The following FAM149B1 variants were observed in gnomAD, a reference collection of about 807,000 sequenced individuals.
The protein encoded by FAM149B1 is family with sequence similarity 149 member B1.
In FAM149B1, 56 loss-of-function variants were observed where a neutral mutation model predicts 75.3. The observed-to-expected ratio is 0.74, with a 90% CI of 0.60 to 0.93. FAM149B1 has a LOEUF of 0.93. Among genes scored for constraint, FAM149B1 ranks in the 40% least tolerant of loss-of-function variants. FAM149B1 has a pLI of 0.00. For missense variants in FAM149B1, 639 were observed against 708.4 expected (o/e 0.90, Z 1.11); for synonymous variants, 259 against 256.1 (o/e 1.01, Z -0.11).
intron 3 of FAM149B1, among the ~76,000 whole-genome samples, chr10:73,190,303 AT>A (rs1194749004): frequency 1.3e-5 from 2 of 151,442 alleles, no homozygotes; most frequent in Admixed American, 1.3e-4. Context: ...GTGAAAGACA[AT>A]TTTTTTAGAG....
chr10:73,229,459 C>T (rs1344764052), intron 8 of FAM149B1, among the ~76,000 whole-genome samples: 2 of 152,178 alleles, frequency 1.3e-5, no homozygotes, highest in African/African-American at 2.4e-5. Context: ...CCTGTAGTGC[C>T]AGCTACTCTG....
chr10:73,235,367 A>G (rs779165013), intron 12 of FAM149B1, 49 bp downstream of exon 12: 1 of 1,547,784 alleles, frequency 6.5e-7, no homozygotes. Context: ...GGGAAAGAAA[A>G]GGTGGGGGGA....
In FAM149B1 at chr10:73,241,314, A is replaced by C. The variant is rs973804688; in HGVS notation, c.*295A>C. 1.1e-5 allele frequency: 4 copies of C among 377,928 alleles called. No individual in the cohort carries two copies. The highest frequency in any genetic ancestry group is 2.1e-5 in the African/African-American group (1 of 46,886). 23.4% of individuals were successfully genotyped at this position (377,928 alleles called of 1,614,324 possible). ...TAATACCCAAATCACTGCTCATGTTATCTCTTAACAATGATCAGTTCAATC... is the reference window on the plus strand; with the variant it reads ...TAATACCCAAATCACTGCTCATGTTCTCTCTTAACAATGATCAGTTCAATC... On this transcript the variant is annotated 3_prime_UTR_variant, in exon 14 of 14. Coordinates refer to ENST00000242505, the MANE Select transcript of FAM149B1 (RefSeq NM_173348.2).
chr10:73,177,694 A>C (rs1046990855), intron 2 of FAM149B1, among the ~76,000 whole-genome samples, 152 bp from the exon 3 acceptor site: 1 of 138,756 alleles, frequency 7.2e-6, no homozygotes, highest in East Asian at 1.9e-4. Flanking sequence ...ATAATGCTCA[A>C]ATTTCAAGTT....
At chr10:73,170,994 C>T (rs1356362256) in intron 1 of FAM149B1, among the ~76,000 whole-genome samples, 1 of 149,332 alleles carries the variant, frequency 6.7e-6, no homozygotes, top group Non-Finnish European at 1.5e-5. Flanking sequence ...TTTTTTGAGA[C>T]GGAGTCTCTG....
chr10:73,226,364 G>A (rs12220285), intron 7 of FAM149B1, among the ~76,000 whole-genome samples: 2 of 152,132 alleles, frequency 1.3e-5, no homozygotes, highest in Non-Finnish European at 1.5e-5. Flanking sequence ...AATTAAGCGG[G>A]TGTGGTGGCG....
At chr10:73,198,994 T>G (rs2042871059) in intron 5 of FAM149B1, among the ~76,000 whole-genome samples, 1 of 152,106 alleles carries the variant, frequency 6.6e-6, no homozygotes, top group Non-Finnish European at 1.5e-5. Flanking sequence ...GATGCGGAAC[T>G]CTACTTCCTA....
At chr10:73,209,623 T>C (rs184622372) in intron 6 of FAM149B1, among the ~76,000 whole-genome samples, 10 of 152,336 alleles carry the variant, frequency 6.6e-5, no homozygotes, top group African/African-American at 2.4e-4. Context: ...TAGGTGAGAA[T>C]CAGAGTAGTT....
chr10:73,208,660 AT>A lies in FAM149B1; in HGVS notation c.585del (p.Tyr195Ter), dbSNP rs754778429. ...RGKKLHFSSS[Y>X]AHKASSIAKS... Reference sequence around the variant, plus strand: ...AAGAAGTTACATTTTTCATCTTCTTATGCTCATAAAGCATCTTCCATTGCCA... The same window carrying A: ...AAGAAGTTACATTTTTCATCTTCTTAGCTCATAAAGCATCTTCCATTGCCA... On this transcript the variant is annotated frameshift_variant, in exon 6 of 14. Coordinates refer to ENST00000242505, the MANE Select transcript of FAM149B1 (RefSeq NM_173348.2). LOFTEE classifies it high-confidence loss of function. The A allele has an allele frequency of 1.6e-5, 24 of 1,546,120 alleles. No individual in the cohort carries two copies. Among genetic ancestry groups the A allele is most frequent in the Non-Finnish European group, 1.6e-5 (18 of 1,143,776 alleles).
Position 73,210,292 on chromosome 10 carries a change from A to G in FAM149B1, c.752A>G (p.Glu251Gly). The G allele has an allele frequency of 6.4e-7, 1 of 1,551,544 alleles. No homozygotes were observed. The highest frequency in any genetic ancestry group is 8.7e-7 in the Non-Finnish European group (1 of 1,146,674). ...FHGKKSEAAT[E>G]KQKLGYPPIA... is the part of the protein sequence containing the mutation. ...GGGAAGAAATCAGAAGCAGCTACAG[A>G]GAAACAGAAATTAGGGTATCCTCCC... The change falls in exon 7 of 14, where the codon GAG becomes GGG. Residue 251 changes from glutamate (E) to glycine (G), a missense_variant. Glu to Gly is a moderately conservative substitution (Grantham distance 98, BLOSUM62 -2). Coordinates refer to ENST00000242505, the MANE Select transcript of FAM149B1 (RefSeq NM_173348.2).
At chr10:73,236,008 C>CCTGGGGAAGTA (rs1169293430) in intron 12 of FAM149B1, among the ~76,000 whole-genome samples, 14 of 152,164 alleles carry the variant, frequency 9.2e-5, no homozygotes, top group Non-Finnish European at 1.5e-4. Context: ...GTGGCAAGAG[C>CCTGGGGAAGTA]ACTTGGAGAG....
chr10:73,196,134 G>C lies in FAM149B1; in HGVS notation c.542+2541G>C, dbSNP rs139713501. Among the ~76,000 whole-genome samples the C allele has an allele frequency of 1.9e-3, 293 of 152,228 alleles. 3 individuals are homozygous for C. The highest frequency in any genetic ancestry group is 6.6e-3 in the African/African-American group (276 of 41,536). On this transcript the variant is annotated intron_variant, in intron 5 of 13. Coordinates refer to ENST00000242505, the MANE Select transcript of FAM149B1 (RefSeq NM_173348.2). ...TGTTTCTTTGTTTTCTGGTACAGTAGGATGTGCCAGGCCCATCCTTAACTT... is the reference window on the plus strand; with the variant it reads ...TGTTTCTTTGTTTTCTGGTACAGTACGATGTGCCAGGCCCATCCTTAACTT...
intron 3 of FAM149B1, among the ~76,000 whole-genome samples, chr10:73,180,561 A>T (rs2042372715): frequency 6.6e-6 from 1 of 152,170 alleles, no homozygotes; most frequent in South Asian, 2.1e-4. Context: ...GATGTTTCCC[A>T]TGTCCTTGCT....
intron 8 of FAM149B1, 81 bp from the exon 9 acceptor site, chr10:73,230,341 T>G: frequency 1.3e-6 from 1 of 752,000 alleles, no homozygotes; most frequent in African/African-American, 1.7e-5. Context: ...AAATTGGAAA[T>G]ATTAACTTTT....
intron 3 of FAM149B1, among the ~76,000 whole-genome samples, chr10:73,183,116 C>T (rs189779679): frequency 4.6e-5 from 7 of 152,070 alleles, no homozygotes; most frequent in South Asian, 2.1e-4. Flanking sequence ...GGAGCAGAGA[C>T]GAGAGTTCAG....
intron 5 of FAM149B1, among the ~76,000 whole-genome samples, chr10:73,195,144 A>G (rs977715212): frequency 6.6e-6 from 1 of 152,194 alleles, no homozygotes; most frequent in Non-Finnish European, 1.5e-5. Flanking sequence ...TTATTCCTAT[A>G]CTTTTTCCCA....
Position 73,228,146 on chromosome 10 carries a change from G to A in FAM149B1, c.985G>A (p.Val329Met). Reference sequence around the variant, plus strand: ...ACTACATCCTTTGGTGTTACCGCGAGTGCCACAGTCTAAGGTGCTGTACAT... The same window carrying A: ...ACTACATCCTTTGGTGTTACCGCGAATGCCACAGTCTAAGGTGCTGTACAT... ...SELHPLVLPR[V>M]PQSKVLYITS... Residue 329 changes from valine to methionine, a missense_variant, in exon 8 of 14, where the codon GTG (valine) becomes ATG (methionine). By Grantham distance (21) the Val-to-Met change is conservative. Coordinates refer to ENST00000242505, the MANE Select transcript of FAM149B1 (RefSeq NM_173348.2). 6.4e-7 allele frequency: 1 copy of A among 1,551,626 alleles called. No homozygotes were observed. The highest frequency in any genetic ancestry group is 8.7e-7 in the Non-Finnish European group (1 of 1,146,942).
At chr10:73,232,824 T>A in intron 9 of FAM149B1, 115 bp from the exon 10 acceptor site, 1 of 643,030 alleles carries the variant, frequency 1.6e-6, no homozygotes, top group Non-Finnish European at 2.7e-6. Context: ...GTTTTTATTT[T>A]TGCTTTATTT....
rs145406882 is a variant in FAM149B1, at chr10:73,239,048, G to A, written c.1603-264G>A. ...ACTAACTGAAATATTAAACCATATG[G>A]ATTATTTATAACTCCTGATTTCCTT... On this transcript the variant is annotated intron_variant, in intron 12 of 13. Coordinates refer to ENST00000242505, the MANE Select transcript of FAM149B1 (RefSeq NM_173348.2). 2.4e-3 allele frequency: 867 copies of A among 355,144 alleles called. 7 individuals are homozygous for A. Among genetic ancestry groups the A allele is most frequent in the Middle Eastern group, 5.4e-3 (7 of 1,306 alleles). 22.0% of individuals were successfully genotyped at this position (355,144 alleles called of 1,614,324 possible). A position where few individuals can be genotyped will look rare whatever the true frequency, so the allele number is the denominator to read the frequency against.
Sources: allele counts gnomAD v4.1 joint callset (sites outside exome capture counted in the v4.1 genomes callset), GRCh38; gene constraint gnomAD v4.1.1; transcripts MANE v1.5; gene names NCBI Gene and HGNC (gene_info 2026-07-23, HGNC 2026-07-21).